Variants in MGST1 observed in about 807,000 individuals in gnomAD.
MGST1 encodes glutathione S-transferase 12.
A neutral mutation model predicts 8.9 loss-of-function variants in MGST1; 5 were observed. That is an observed-to-expected ratio of 0.56 (90% CI 0.29 to 1.19). The LOEUF is 1.19. MGST1 is among the 50% of genes most tolerant of loss of function. MGST1 has a pLI of 0.08. For synonymous variants in MGST1, 54 were observed against 67.8 expected (o/e 0.80, Z 1.00); for missense variants, 182 against 187.4 (o/e 0.97, Z 0.17).
chr12:16,517,167 C>T lies in MGST1; in HGVS notation n.483-72361C>T, dbSNP rs2053993123. Among the ~76,000 whole-genome samples, 1 of 152,136 alleles carries T rather than the reference C, an allele frequency of 6.6e-6. No individual in the cohort carries two copies. The highest frequency in any genetic ancestry group is 2.4e-5 in the African/African-American group (1 of 41,422). ...GAATGGCTCCTAGGCCAGCAAACTT[C>T]ACAATCATCTGATCGAATATATGAG... On this transcript the variant is annotated intron_variant and non_coding_transcript_variant, in intron 4 of 4. Transcript: ENST00000538857. This position sits in a 1 kb window ranked among gnomAD's most constrained non-coding sequence, Gnocchi z 4.2.
intron 2 of MGST1, among the ~76,000 whole-genome samples, chr12:16,355,537 T>G (rs1203134817): frequency 6.6e-6 from 1 of 152,106 alleles, no homozygotes; most frequent in Admixed American, 6.5e-5. Context: ...TGTTTGCATT[T>G]TAATGGAGGG....
intron 1 of MGST1, among the ~76,000 whole-genome samples, chr12:16,421,461 TC>T (rs1382078395): frequency 6.6e-6 from 1 of 152,176 alleles, no homozygotes; most frequent in African/African-American, 2.4e-5. Context: ...AATCACTAAT[TC>T]CCCAAATGGG....
intron 4 of MGST1, among the ~76,000 whole-genome samples, chr12:16,561,933 CAAG>C (rs1445455680): frequency 1.3e-5 from 2 of 152,108 alleles, no homozygotes; most frequent in Non-Finnish European, 2.9e-5. Context: ...AGTTTACATT[CAAG>C]AAGATCAAAT....
At chr12:16,355,153 G>C (rs1939655461) in intron 2 of MGST1, among the ~76,000 whole-genome samples, 1 of 151,092 alleles carries the variant, frequency 6.6e-6, no homozygotes, top group African/African-American at 2.4e-5. Flanking sequence ...GTCCTCTAGA[G>C]CCTTGATTTT....
At chr12:16,379,907 TC>T (rs1019953297), downstream of MGST1, among the ~76,000 whole-genome samples, 3 of 152,246 alleles carry the variant, frequency 2.0e-5, no homozygotes, top group African/African-American at 7.2e-5. Flanking sequence ...TTTATCCATT[TC>T]TTCTAGATTG....
At chr12:16,366,716 TA>T (rs1228440127), downstream of MGST1, among the ~76,000 whole-genome samples, 4 of 151,766 alleles carry the variant, frequency 2.6e-5, no homozygotes, top group Non-Finnish European at 5.9e-5. The surrounding 1 kb of genome is among the most constrained non-coding windows in gnomAD (Gnocchi z 4.0). Flanking sequence ...GGATGCTTAG[TA>T]ATTAGATAAC....
At chr12:16,392,367 C>T (rs527907472) in intron 1 of MGST1, among the ~76,000 whole-genome samples, 1 of 152,298 alleles carries the variant, frequency 6.6e-6, no homozygotes, top group Non-Finnish European at 1.5e-5. Context: ...CATTGGCACT[C>T]TCAGAAAGTT....
At chr12:16,556,532 G>GCTGAATACAATT (rs1373375461) in intron 4 of MGST1, among the ~76,000 whole-genome samples, 2 of 152,176 alleles carry the variant, frequency 1.3e-5, no homozygotes, top group Non-Finnish European at 2.9e-5. Context: ...TGAAATGACT[G>GCTGAATACAATT]CTGAATACAA....
chr12:16,496,695 T>C (rs1040153097), intron 4 of MGST1, among the ~76,000 whole-genome samples: 2 of 152,086 alleles, frequency 1.3e-5, no homozygotes, highest in African/African-American at 2.4e-5. Flanking sequence ...TACCTAATGT[T>C]TAGCTGCCAC....
Position 16,578,681 on chromosome 12 carries a change from G to A in MGST1, n.483-10847G>A, listed in dbSNP as rs866092087. Among the ~76,000 whole-genome samples, 8 of 152,136 alleles carry A rather than the reference G, an allele frequency of 5.3e-5. No homozygotes were observed. The Middle Eastern group carries it at 0.01, about 194-fold the overall frequency. ...AAAAATACAAAAATTAGCCAGGTGT[G>A]GTGGTGCATGCCTGTAATGCTAGTT... is the stretch of plus-strand genomic sequence containing the variant. On this transcript the variant is annotated intron_variant and non_coding_transcript_variant, in intron 4 of 4. Coordinates refer to the MGST1 transcript ENST00000538857.
intron 4 of MGST1, among the ~76,000 whole-genome samples, chr12:16,540,902 T>A (rs1318014109): frequency 6.6e-6 from 1 of 152,122 alleles, no homozygotes; most frequent in Non-Finnish European, 1.5e-5. Flanking sequence ...AGAGCAAGAC[T>A]CTCTCTCAAA....
intron 4 of MGST1, among the ~76,000 whole-genome samples, chr12:16,525,095 A>T (rs1286990861): frequency 2.0e-5 from 3 of 151,950 alleles, no homozygotes; most frequent in Non-Finnish European, 4.4e-5. Context: ...AAATAGAATA[A>T]ATTGGCCTTC....
intron 4 of MGST1, among the ~76,000 whole-genome samples, chr12:16,518,108 T>A (rs932081376): frequency 1.3e-5 from 2 of 152,200 alleles, no homozygotes; most frequent in Non-Finnish European, 2.9e-5. Flanking sequence ...GCTTAATTTT[T>A]AAAAAATATT....
At chr12:16,573,888 A>C (rs924319111) in intron 4 of MGST1, 1 of 152,308 alleles carries the variant, frequency 6.6e-6, no homozygotes, top group Non-Finnish European at 1.5e-5. Context: ...ACTCCACGCC[A>C]GGAGCAGCAG....
chr12:16,516,295 G>A (rs760799616), intron 4 of MGST1, among the ~76,000 whole-genome samples: 3 of 152,118 alleles, frequency 2.0e-5, no homozygotes, highest in Non-Finnish European at 4.4e-5. Flanking sequence ...CTTTCCAGTA[G>A]GTTATCTAAG....
intron 1 of MGST1, chr12:16,402,447 T>C (rs1306558182): frequency 8.7e-6 from 14 of 1,600,120 alleles, no homozygotes; most frequent in Non-Finnish European, 8.5e-7. Flanking sequence ...TCTCCTCGGG[T>C]TCTGAGAATC....
intron 4 of MGST1, among the ~76,000 whole-genome samples, chr12:16,506,575 T>C (rs1209151428): frequency 1.3e-5 from 2 of 152,152 alleles, no homozygotes; most frequent in African/African-American, 2.4e-5. Flanking sequence ...ACCTATGGTA[T>C]AGAGCTGAGG....
At chr12:16,373,949 C>A (rs1316654931) in intron 3 of MGST1, among the ~76,000 whole-genome samples, 2 of 152,052 alleles carry the variant, frequency 1.3e-5, no homozygotes, top group African/African-American at 4.8e-5. Context: ...TATGTGCTTT[C>A]CCTAGTAGCT....
chr12:16,367,647 A>G (rs577883342), downstream of MGST1, among the ~76,000 whole-genome samples: 24 of 152,300 alleles, frequency 1.6e-4, no homozygotes, highest in African/African-American at 3.4e-4. Context: ...GGTTTAAACC[A>G]AACAGAGTTA....
Sources: gnomAD v4.1 joint callset for allele counts (sites outside exome capture counted in the v4.1 genomes callset) on GRCh38, gnomAD v4.1.1 for gene constraint, Gnocchi (gnomAD v3.1) non-coding constraint, MANE v1.5 for transcripts, NCBI Gene and HGNC (gene_info 2026-07-23, HGNC 2026-07-21) for gene names.